ZMIZ1: variants seen among roughly 807,000 people sequenced by gnomAD.
ZMIZ1 encodes zinc finger MIZ-type containing 1.
In ZMIZ1, 17 loss-of-function variants were observed where a neutral mutation model predicts 113.9. That is an observed-to-expected ratio of 0.15 (90% CI 0.10 to 0.22). The LOEUF is 0.22. ZMIZ1 is among the 10% of genes least tolerant of loss of function. ZMIZ1 has a pLI of 1.00. For missense variants in ZMIZ1, 1,059 were observed against 1,477.8 expected, an observed-to-expected ratio of 0.72 and a Z score of 4.65; for synonymous variants, 607 against 603.1, an observed-to-expected ratio of 1.01 and a Z score of -0.09.
intron 7 of ZMIZ1, among the ~76,000 whole-genome samples, chr10:79,231,249 T>G (rs1175140443): frequency 1.3e-5 from 2 of 152,194 alleles, no homozygotes; most frequent in Admixed American, 6.5e-5. Flanking sequence ...GGAGTTATTG[T>G]TTTTGTTTTT....
chr10:79,289,119 C>A (rs1360652377), intron 8 of ZMIZ1, among the ~76,000 whole-genome samples: 1 of 152,076 alleles, frequency 6.6e-6, no homozygotes, highest in Non-Finnish European at 1.5e-5. Flanking sequence ...TTGATTGTGC[C>A]AGGCATCTTA....
chr10:79,231,198 A>G (rs1849380930), intron 7 of ZMIZ1, among the ~76,000 whole-genome samples: 1 of 152,260 alleles, frequency 6.6e-6, no homozygotes, highest in African/African-American at 2.4e-5. Context: ...TGCGTGACAC[A>G]CACCCAGAAC....
At chr10:79,150,798 G>C (rs765088623) in intron 3 of ZMIZ1, among the ~76,000 whole-genome samples, 1 of 152,054 alleles carries the variant, frequency 6.6e-6, no homozygotes, top group Admixed American at 6.5e-5. Flanking sequence ...CCCAGAAGCC[G>C]GGCGACGGAG....
At chr10:79,177,109 G>T (rs1305059592) in intron 4 of ZMIZ1, among the ~76,000 whole-genome samples, 1 of 152,270 alleles carries the variant, frequency 6.6e-6, no homozygotes, top group Non-Finnish European at 1.5e-5. Context: ...GGCCAGTGAA[G>T]CGTGGGCCTG....
At chr10:79,246,569 C>T (rs1344029997) in intron 7 of ZMIZ1, among the ~76,000 whole-genome samples, 1 of 152,146 alleles carries the variant, frequency 6.6e-6, no homozygotes, top group African/African-American at 2.4e-5. Context: ...GGCCCGAACC[C>T]AGCAGGGAGA....
chr10:79,273,247 TG>T (rs1206091990), intron 7 of ZMIZ1, among the ~76,000 whole-genome samples: 1 of 152,218 alleles, frequency 6.6e-6, no homozygotes, highest in East Asian at 1.9e-4. Context: ...GGTGGTCCCA[TG>T]GGCCTCTGTG....
chr10:79,277,101 C>T, intron 7 of ZMIZ1, 80 bp from the exon 8 acceptor site: 3 of 1,437,734 alleles, frequency 2.1e-6, no homozygotes, highest in South Asian at 1.6e-5. Context: ...AGCACCCAGT[C>T]TGGGGAGAGT....
intron 7 of ZMIZ1, among the ~76,000 whole-genome samples, chr10:79,267,006 C>T (rs185835504): frequency 6.6e-6 from 1 of 152,372 alleles, no homozygotes; most frequent in Admixed American, 6.5e-5. Context: ...GGGCTCTGCC[C>T]ACCGCCCAGG....
intron 2 of ZMIZ1, among the ~76,000 whole-genome samples, chr10:79,120,373 A>T (rs930771064): frequency 3.3e-5 from 5 of 152,222 alleles, no homozygotes; most frequent in African/African-American, 1.2e-4. Flanking sequence ...GGGGCTGCAT[A>T]TCCATGCACA....
intron 7 of ZMIZ1, among the ~76,000 whole-genome samples, chr10:79,218,266 T>C (rs922295471): frequency 1.1e-4 from 17 of 152,064 alleles, no homozygotes; most frequent in African/African-American, 4.1e-4. Flanking sequence ...TTGAGTTCAG[T>C]AGTTCGAGAC....
rs1409722392 is a variant in ZMIZ1, at chr10:79,289,787, C to T, written c.438C>T (p.Phe146=). ...TCTCCCTCTGCAGTGATGGGTCGTTCCCCTATGACTCTGTCCCTTGGCAGC... is the reference window on the plus strand; with the variant it reads ...TCTCCCTCTGCAGTGATGGGTCGTTTCCCTATGACTCTGTCCCTTGGCAGC... ...KPTLSHSDGS[F]PYDSVPWQQN... Residue 146 remains phenylalanine, a synonymous_variant, in exon 9 of 25, where the codon TTC becomes TTT. Transcript: ENST00000334512. 6.2e-7 allele frequency: 1 copy of T among 1,613,872 alleles called. No homozygotes were observed. The highest frequency in any genetic ancestry group is 1.1e-5 in the South Asian group (1 of 91,072).
intron 7 of ZMIZ1, among the ~76,000 whole-genome samples, chr10:79,257,733 C>T (rs1851010910): frequency 6.6e-6 from 1 of 152,226 alleles, no homozygotes; most frequent in Non-Finnish European, 1.5e-5. Context: ...GCCAGGTGTC[C>T]AGTGGAAAGA....
intron 12 of ZMIZ1, chr10:79,295,470 G>A (rs1013222560): frequency 6.6e-6 from 1 of 152,202 alleles, no homozygotes; most frequent in Non-Finnish European, 1.5e-5. Flanking sequence ...TACAATATTT[G>A]AATTGTTGGA....
intron 1 of ZMIZ1, among the ~76,000 whole-genome samples, chr10:79,106,533 C>T (rs1299203018): frequency 6.6e-6 from 1 of 152,256 alleles, no homozygotes; most frequent in Non-Finnish European, 1.5e-5. Context: ...GCATCGCCAG[C>T]ACCCAGCTTG....
chr10:79,312,517 C>G, intron 24 of ZMIZ1, 125 bp from the exon 25 acceptor site: 1 of 1,000,552 alleles, frequency 1.0e-6, no homozygotes. Flanking sequence ...TTCTCTACCC[C>G]TTTTTTTGGC....
rs149578786 is a variant in ZMIZ1 at position 79,265,623 on chromosome 10, C to T, written c.281-11558C>T. 7.2e-5 allele frequency among the ~76,000 whole-genome samples: 11 copies of T among 151,948 alleles called. No individual in the cohort carries two copies. The South Asian group carries it at 1.7e-3, about 23-fold the overall frequency. On this transcript the variant is annotated intron_variant, in intron 7 of 24. Coordinates refer to ENST00000334512, the MANE Select transcript of ZMIZ1 (RefSeq NM_020338.4). ...TGAGGCAGCAATACCATCAGTCTGCCGGAGACTGAGATTTTCCCCCAAGGA... is the reference window on the plus strand; with the variant it reads ...TGAGGCAGCAATACCATCAGTCTGCTGGAGACTGAGATTTTCCCCCAAGGA...
chr10:79,287,895 C>A (rs1039207363), intron 8 of ZMIZ1, among the ~76,000 whole-genome samples: 3 of 152,054 alleles, frequency 2.0e-5, no homozygotes, highest in Non-Finnish European at 4.4e-5. Flanking sequence ...AGACAATAAT[C>A]AAAAAAATAT....
At chr10:79,209,375 CAG>C (rs1848453895) in intron 6 of ZMIZ1, among the ~76,000 whole-genome samples, 1 of 152,240 alleles carries the variant, frequency 6.6e-6, no homozygotes, top group South Asian at 2.1e-4. Flanking sequence ...TGCCAGCCAA[CAG>C]GGCCCCATGG....
chr10:79,294,277 G>A (rs1481942662), intron 12 of ZMIZ1: 11 of 157,134 alleles, frequency 7.0e-5, no homozygotes, highest in Admixed American at 4.2e-4. Flanking sequence ...GGAAGTGACT[G>A]GAAGGCAGAC....
Sources: gnomAD v4.1 joint callset for allele counts (sites outside exome capture counted in the v4.1 genomes callset) on GRCh38, gnomAD v4.1.1 for gene constraint, MANE v1.5 for transcripts, NCBI Gene and HGNC (gene_info 2026-07-23, HGNC 2026-07-21) for gene names.